Variants in CDH6 observed in about 807,000 individuals in gnomAD.
The protein encoded by CDH6 is cadherin-6.
In CDH6, 31 loss-of-function variants were observed where a neutral mutation model predicts 78.0. The ratio of observed to expected loss-of-function variants is 0.40; its 90% CI spans 0.30 to 0.54. The LOEUF is 0.54. CDH6 is among the 20% of genes least tolerant of loss of function. The pLI is 0.56. For missense variants in CDH6, 724 were observed against 975.9 expected, an observed-to-expected ratio of 0.74 and a Z score of 3.44; for synonymous variants, 376 against 368.8, an observed-to-expected ratio of 1.02 and a Z score of -0.23.
At chr5:31,213,028 A>T (rs2111810638) in intron 1 of CDH6, among the ~76,000 whole-genome samples, 1 of 152,340 alleles carries the variant, frequency 6.6e-6, no homozygotes, top group African/African-American at 2.4e-5. Context: ...AGAAGATAAG[A>T]TGATAAGCAT....
At chr5:31,257,144 CT>C (rs1386145666) in intron 1 of CDH6, among the ~76,000 whole-genome samples, 2 of 151,416 alleles carry the variant, frequency 1.3e-5, no homozygotes, top group Admixed American at 6.6e-5. Context: ...CCTCCAAGTG[CT>C]GTGAAGTATT....
At chr5:31,197,944 A>C (rs535903580) in intron 1 of CDH6, among the ~76,000 whole-genome samples, 1 of 152,266 alleles carries the variant, frequency 6.6e-6, no homozygotes, top group South Asian at 2.1e-4. Context: ...CTTATGAGGA[A>C]CTTCAGGTTC....
chr5:31,293,898 A>G, intron 2 of CDH6, 64 bp from the exon 3 acceptor site: 1 of 1,155,552 alleles, frequency 8.7e-7, no homozygotes, highest in Non-Finnish European at 1.2e-6. Context: ...CACCAAAAAG[A>G]CAAAAACAGT....
intron 2 of CDH6, among the ~76,000 whole-genome samples, chr5:31,289,558 T>C (rs542356056): frequency 6.6e-6 from 1 of 152,332 alleles, no homozygotes; most frequent in South Asian, 2.1e-4. Flanking sequence ...CCATACTGTT[T>C]TCCATAGAGA....
chr5:31,243,641 G>A (rs1401809066), intron 1 of CDH6, among the ~76,000 whole-genome samples: 1 of 152,066 alleles, frequency 6.6e-6, no homozygotes, highest in African/African-American at 2.4e-5. Context: ...TTCCCTCCCT[G>A]AGAACAACTT....
chr5:31,293,942 A>T lies in CDH6; in HGVS notation c.229-20A>T, dbSNP rs564096710. 64 of 1,422,456 alleles carry T rather than the reference A, an allele frequency of 4.5e-5. No homozygotes were observed. In the South Asian group the frequency reaches 5.6e-4, roughly 13 times the overall value. 88.1% of individuals were successfully genotyped at this position (1,422,456 alleles called of 1,614,324 possible). A position where few individuals can be genotyped will look rare whatever the true frequency, so the allele number is the denominator to read the frequency against. On this transcript the variant is annotated intron_variant, in intron 2 of 11. Coordinates refer to ENST00000265071, the MANE Select transcript of CDH6 (RefSeq NM_004932.4). The stretch of plus-strand genomic sequence containing the variant: ...ACATGCTTGACTTTTACTTTCTTTA[A>T]TTTTTTTTTTCTACACTAGTTACAT...
At chr5:31,320,940 C>A (rs950377405) in intron 11 of CDH6, among the ~76,000 whole-genome samples, 2 of 150,550 alleles carry the variant, frequency 1.3e-5, no homozygotes, top group African/African-American at 2.5e-5. Context: ...GATCGTGCCA[C>A]TGCACTCCAG....
chr5:31,267,677 A>T lies in CDH6; in HGVS notation c.204A>T (p.Gly68=), dbSNP rs1450168998. 13 of 1,613,864 alleles carry T rather than the reference A, an allele frequency of 8.1e-6. No homozygotes were observed. Among genetic ancestry groups the T allele is most frequent in the Non-Finnish European group, 1.1e-5 (13 of 1,179,862 alleles). Residue 68 remains glycine, a synonymous_variant, in exon 2 of 12, where the codon GGA becomes GGT. Coordinates refer to ENST00000265071, the MANE Select transcript of CDH6 (RefSeq NM_004932.4). ...NQFFLLEEYT[G]SDYQYVGKLH... is the part of the protein sequence containing the mutation. Reference sequence around the variant, plus strand: ...TCTTTCTCCTGGAGGAATACACAGGATCCGATTATCAGTATGTGGGCAAGG... The same window carrying T: ...TCTTTCTCCTGGAGGAATACACAGGTTCCGATTATCAGTATGTGGGCAAGG...
At position 31,217,068 on chromosome 5, in the gene CDH6, T is replaced by C. The variant is rs916363452; in HGVS notation, c.-129+23182T>C. Among the ~76,000 whole-genome samples the C allele has an allele frequency of 7.2e-5, 11 of 152,146 alleles. No individual in the cohort carries two copies. The East Asian group carries it at 2.1e-3, about 29-fold the overall frequency. On this transcript the variant is annotated intron_variant, in intron 1 of 11. Coordinates refer to ENST00000265071, the MANE Select transcript of CDH6 (RefSeq NM_004932.4). ...TCACAGTAATTCAGCCCAGGGCGTG[T>C]ATAGGTGCAACAATATAGACCTGTT...
chr5:31,257,759 C>T (rs1479771696), intron 1 of CDH6, among the ~76,000 whole-genome samples: 1 of 152,144 alleles, frequency 6.6e-6, no homozygotes, highest in Non-Finnish European at 1.5e-5. Flanking sequence ...GCCTCCAGCA[C>T]TCACTCATCC....
intron 1 of CDH6, among the ~76,000 whole-genome samples, chr5:31,227,670 C>G (rs1372606905): frequency 6.6e-6 from 1 of 152,116 alleles, no homozygotes; most frequent in Non-Finnish European, 1.5e-5. Context: ...GCCTCCAACT[C>G]CAATTTTATT....
In CDH6 at chr5:31,323,382, C is replaced by T; in HGVS notation, c.*74C>T. ...GCTATTTCTTTATATTTATCCACTA[C>T]TCCGTGAAGGCTTCTCTGTTCTACC... On this transcript the variant is annotated 3_prime_UTR_variant, in exon 12 of 12. Transcript: ENST00000265071. 6.7e-7 allele frequency: 1 copy of T among 1,490,538 alleles called. No homozygotes were observed. Among genetic ancestry groups the T allele is most frequent in the Non-Finnish European group, 9.1e-7 (1 of 1,098,984 alleles). 92.3% of individuals were successfully genotyped at this position (1,490,538 alleles called of 1,614,324 possible). A position where few individuals can be genotyped will look rare whatever the true frequency, so the allele number is the denominator to read the frequency against.
rs142862052 is a variant in CDH6, at chr5:31,222,150, G to A, written c.-129+28264G>A. 2.6e-3 allele frequency among the ~76,000 whole-genome samples: 403 copies of A among 152,174 alleles called. 5 individuals carry two copies. Among genetic ancestry groups the A allele is most frequent in the African/African-American group, 9.5e-3 (395 of 41,522 alleles). Reference sequence around the variant, plus strand: ...GAAATAAATCTTAAAATGGCCAAGTGACTTTTTTTCAATAGGGATATTCAC... The same window carrying A: ...GAAATAAATCTTAAAATGGCCAAGTAACTTTTTTTCAATAGGGATATTCAC... On this transcript the variant is annotated intron_variant, in intron 1 of 11. Transcript: ENST00000265071.
In CDH6 at chr5:31,263,345, G is replaced by T. The variant is rs573432685; in HGVS notation, c.-128-4001G>T. 3.4e-5 allele frequency among the ~76,000 whole-genome samples: 5 copies of T among 149,008 alleles called. No individual in the cohort carries two copies. In the South Asian group the frequency reaches 1.1e-3, roughly 32 times the overall value. The stretch of plus-strand genomic sequence containing the variant: ...ATGATCTCTGCTCACTGCAACCTCC[G>T]CATCCTGGGTTCAAGCGCCTCCTGC... On this transcript the variant is annotated intron_variant, in intron 1 of 11. Coordinates refer to ENST00000265071, the MANE Select transcript of CDH6 (RefSeq NM_004932.4).
At chr5:31,238,810 G>T (rs538954303) in intron 1 of CDH6, among the ~76,000 whole-genome samples, 2 of 152,208 alleles carry the variant, frequency 1.3e-5, no homozygotes, top group African/African-American at 4.8e-5. Context: ...GGAAAGTTTT[G>T]CCTCTTCTCT....
At chr5:31,215,620 G>A (rs1015907810) in intron 1 of CDH6, among the ~76,000 whole-genome samples, 1 of 151,820 alleles carries the variant, frequency 6.6e-6, no homozygotes, top group Non-Finnish European at 1.5e-5. Context: ...AAGTCTCCAT[G>A]TCTAAAGTAA....
intron 6 of CDH6, among the ~76,000 whole-genome samples, chr5:31,302,906 AG>A (rs1737844093): frequency 1.1e-5 from 1 of 89,100 alleles, no homozygotes. Context: ...AAAGAAAAAA[AG>A]AAAGAAAGAA....
At chr5:31,209,950 G>GT (rs1213877761) in intron 1 of CDH6, among the ~76,000 whole-genome samples, 2 of 152,098 alleles carry the variant, frequency 1.3e-5, no homozygotes, top group Non-Finnish European at 2.9e-5. Flanking sequence ...TAAGGGTAAT[G>GT]TCCTTCAGCT....
intron 1 of CDH6, among the ~76,000 whole-genome samples, chr5:31,233,265 T>C (rs2111857414): frequency 6.6e-6 from 1 of 150,858 alleles, no homozygotes; most frequent in South Asian, 2.1e-4. Flanking sequence ...AGAAGAGAGA[T>C]AAATTACAAA....
Sources: gnomAD v4.1 joint callset for allele counts (sites outside exome capture counted in the v4.1 genomes callset) on GRCh38, gnomAD v4.1.1 for gene constraint, MANE v1.5 for transcripts, NCBI Gene and HGNC (gene_info 2026-07-23, HGNC 2026-07-21) for gene names.